CMTM7: variants seen among roughly 807,000 people sequenced by gnomAD.
CMTM7 encodes CKLF like MARVEL transmembrane domain containing 7.
A neutral mutation model predicts 19.3 loss-of-function variants in CMTM7; 7 were observed. The observed-to-expected ratio is 0.36, with a 90% CI of 0.21 to 0.68. The LOEUF (loss-of-function observed/expected upper bound fraction) is 0.68. Ranked by LOEUF, CMTM7 falls within the 30% of genes least tolerant of loss-of-function variation. The probability of loss-of-function intolerance (pLI) is 0.60; values close to 1 mark genes in which losing one functional copy is unlikely to be tolerated. For synonymous variants in CMTM7, 87 were observed against 99.3 expected, an observed-to-expected ratio of 0.88 and a Z score of 0.74; for missense variants, 193 against 232.6, an observed-to-expected ratio of 0.83 and a Z score of 1.11.
At chr3:32,398,600 A>C (rs1695953749) in intron 1 of CMTM7, among the ~76,000 whole-genome samples, 1 of 152,058 alleles carries the variant, frequency 6.6e-6, no homozygotes, top group Non-Finnish European at 1.5e-5. Context: ...TAGAGCATAT[A>C]CTAGGGAGTG....
chr3:32,430,053 G>T (rs1285863128), intron 1 of CMTM7, among the ~76,000 whole-genome samples: 1 of 152,170 alleles, frequency 6.6e-6, no homozygotes, highest in Non-Finnish European at 1.5e-5. Context: ...CCACTGCCAT[G>T]TTATTGTTTA....
intron 1 of CMTM7, among the ~76,000 whole-genome samples, chr3:32,403,120 G>T (rs540782979): frequency 2.0e-5 from 3 of 152,360 alleles, no homozygotes; most frequent in African/African-American, 7.2e-5. Context: ...TAAGTTATGA[G>T]AGTGGTACTT....
intron 1 of CMTM7, among the ~76,000 whole-genome samples, chr3:32,424,222 A>C (rs979843978): frequency 1.3e-5 from 2 of 152,178 alleles, no homozygotes; most frequent in Non-Finnish European, 2.9e-5. Context: ...TAACACCTAC[A>C]CATGGCCTCT....
At chr3:32,396,527 C>A (rs1313504866) in intron 1 of CMTM7, among the ~76,000 whole-genome samples, 1 of 151,752 alleles carries the variant, frequency 6.6e-6, no homozygotes, top group African/African-American at 2.4e-5. Context: ...ACAACAACAA[C>A]AAAATTGGTG....
At chr3:32,440,061 CCACACGCATACACACA>C (rs1696652135) in intron 1 of CMTM7, among the ~76,000 whole-genome samples, 1 of 142,214 alleles carries the variant, frequency 7.0e-6, no homozygotes, top group Non-Finnish European at 1.5e-5. Context: ...TACACTAACA[CCACACGCATACACACA>C]CACACACACA....
At chr3:32,406,751 G>C (rs1408971068) in intron 1 of CMTM7, among the ~76,000 whole-genome samples, 1 of 152,210 alleles carries the variant, frequency 6.6e-6, no homozygotes, top group East Asian at 1.9e-4. Flanking sequence ...AAGTAAGCAA[G>C]GGTAGAAAGA....
chr3:32,454,181 G>A (rs1696876143), intron 4 of CMTM7, 60 bp from the exon 5 acceptor site: 27 of 1,547,288 alleles, frequency 1.7e-5, no homozygotes, highest in Non-Finnish European at 2.2e-5. Flanking sequence ...CCTGTGGAGT[G>A]TGGCTTGTGG....
chr3:32,424,456 A>G (rs149486806), intron 1 of CMTM7, among the ~76,000 whole-genome samples: 15 of 152,286 alleles, frequency 9.8e-5, no homozygotes, highest in Admixed American at 2.0e-4. Context: ...CTGCAAGAGC[A>G]TATGAGACTA....
At chr3:32,453,661 C>T (rs1279449540) in intron 4 of CMTM7, among the ~76,000 whole-genome samples, 2 of 152,112 alleles carry the variant, frequency 1.3e-5, no homozygotes, top group Non-Finnish European at 1.5e-5. Context: ...AGACCCATGG[C>T]GGCCTGGGGC....
In CMTM7 at chr3:32,391,971, C is replaced by A. The variant is rs999046235; in HGVS notation, c.65C>A (p.Ala22Asp). The A allele has an allele frequency of 5.4e-5, 67 of 1,231,990 alleles. No homozygotes were observed. Among genetic ancestry groups the A allele is most frequent in the Admixed American group, 8.5e-5 (2 of 23,588 alleles). The allele number at this position is 1,231,990 out of a possible 1,614,324, so 76.3% of individuals were successfully genotyped here. Residue 22 changes from alanine (A) to aspartate (D), a missense_variant, in exon 1 of 5, where the codon GCC (alanine) becomes GAC (aspartate). Coordinates refer to ENST00000334983, the MANE Select transcript of CMTM7 (RefSeq NM_138410.4). ...CSSGSALGPG[A>D]GAAQPSASPL... ...AGCGGCAGCGCGCTCGGACCCGGGG[C>A]CGGCGCGGCCCAGCCCAGCGCGAGC...
intron 1 of CMTM7, among the ~76,000 whole-genome samples, chr3:32,392,715 C>T (rs114130641): frequency 0.014 from 2,138 of 152,254 alleles, 64 homozygotes; most frequent in African/African-American, 0.049. Flanking sequence ...TGGGAAAGGC[C>T]TGTTGTCAGG....
chr3:32,396,001 C>T (rs1695908576), intron 1 of CMTM7, among the ~76,000 whole-genome samples: 1 of 152,026 alleles, frequency 6.6e-6, no homozygotes, highest in Non-Finnish European at 1.5e-5. Flanking sequence ...ATATAGATAA[C>T]CATGAAAACA....
chr3:32,398,893 G>A (rs556902117), intron 1 of CMTM7, among the ~76,000 whole-genome samples: 33 of 152,274 alleles, frequency 2.2e-4, no homozygotes, highest in African/African-American at 7.2e-4. Flanking sequence ...GTTGAGATGG[G>A]AGGATCTCTT....
intron 1 of CMTM7, among the ~76,000 whole-genome samples, chr3:32,440,038 G>A (rs1221419927): frequency 6.6e-6 from 1 of 151,004 alleles, no homozygotes; most frequent in South Asian, 2.1e-4. Context: ...ATACCCATAC[G>A]CTAACACACC....
intron 2 of CMTM7, among the ~76,000 whole-genome samples, chr3:32,442,498 C>CAAA (rs59568281): frequency 8.1e-4 from 65 of 80,018 alleles, no homozygotes; most frequent in East Asian, 1.4e-3. Context: ...AGACTCCTCT[C>CAAA]AAAAAAAAAA....
intron 1 of CMTM7, among the ~76,000 whole-genome samples, chr3:32,430,877 C>T (rs558718573): frequency 6.6e-6 from 1 of 152,292 alleles, no homozygotes; most frequent in East Asian, 1.9e-4. Flanking sequence ...CTCCTCTAGA[C>T]AGTACGTGGA....
chr3:32,444,076 TA>T (rs1279664886), intron 2 of CMTM7, among the ~76,000 whole-genome samples: 1 of 152,212 alleles, frequency 6.6e-6, no homozygotes, highest in Admixed American at 6.5e-5. Context: ...TTAGTTTATT[TA>T]TTTTTTTTCT....
Position 32,442,498 on chromosome 3 carries a change from C to CAAAAAAAA in CMTM7, c.333+507_333+514dup, listed in dbSNP as rs59568281. Among the ~76,000 whole-genome samples the CAAAAAAAA allele has an allele frequency of 8.9e-4, 71 of 80,050 alleles. 3 individuals carry two copies. Among genetic ancestry groups the CAAAAAAAA allele is most frequent in the African/African-American group, 3.3e-3 (68 of 20,618 alleles). 52.5% of individuals were successfully genotyped at this position (80,050 alleles called of 152,430 possible). On this transcript the variant is annotated intron_variant, in intron 2 of 4. Coordinates refer to ENST00000334983, the MANE Select transcript of CMTM7 (RefSeq NM_138410.4). ...CTGGGTGACAGAGCGAGACTCCTCT[C>CAAAAAAAA]AAAAAAAAAAAAAAAAAAAAAAAAA...
At chr3:32,404,159 TTTC>T (rs1368289801) in intron 1 of CMTM7, among the ~76,000 whole-genome samples, 4 of 70,948 alleles carry the variant, frequency 5.6e-5, no homozygotes, top group Admixed American at 1.5e-4. Flanking sequence ...TTTCTTTTTT[TTTC>T]TTTTTTTTTT....
Sources: gnomAD v4.1 joint callset for allele counts (sites outside exome capture counted in the v4.1 genomes callset) on GRCh38, gnomAD v4.1.1 for gene constraint, MANE v1.5 for transcripts, NCBI Gene and HGNC (gene_info 2026-07-23, HGNC 2026-07-21) for gene names.